CROCC: variants seen among roughly 807,000 people sequenced by gnomAD.
CROCC encodes ciliary rootlet coiled-coil, rootletin.
Under a neutral mutation model 245.2 loss-of-function variants are expected in CROCC, and 180 were observed. The ratio of observed to expected loss-of-function variants is 0.73; its 90% CI spans 0.65 to 0.83. The LOEUF is 0.83. Among genes scored for constraint, CROCC ranks in the 40% least tolerant of loss-of-function variants. The pLI, the probability that CROCC is intolerant of heterozygous loss-of-function variation, is 0.00. For missense variants in CROCC, 2,688 were observed against 2,779.4 expected (o/e 0.97, Z 0.74); for synonymous variants, 1,205 against 1,241.6 (o/e 0.97, Z 0.62).
chr1:16,916,037 G>T (rs574604111), intron 1 of CROCC, among the ~76,000 whole-genome samples: 1 of 152,264 alleles, frequency 6.6e-6, no homozygotes, highest in Non-Finnish European at 1.5e-5. Flanking sequence ...TTAGCTGGGC[G>T]TGGTGGTGCA....
intron 27 of CROCC, among the ~76,000 whole-genome samples, chr1:16,963,146 G>A (rs947974341): frequency 2.7e-5 from 4 of 147,552 alleles, no homozygotes; most frequent in African/African-American, 1.0e-4. Context: ...TCGCACCATT[G>A]CACTCTAGAC....
At position 16,948,354 on chromosome 1, in the gene CROCC, G is replaced by A. The variant is rs1307651691; in HGVS notation, c.2538G>A (p.Arg846=). 9.5e-6 allele frequency: 15 copies of A among 1,578,408 alleles called. No individual in the cohort carries two copies. The highest frequency in any genetic ancestry group is 2.3e-5 in the East Asian group (1 of 44,320). The stretch of plus-strand genomic sequence containing the variant: ...AGCTCTCCCGGCAGCTGAGCGGGCG[G>A]GAGCAGGAGCTGGAGCAGGCCCGGC... ...LAQLSRQLSG[R]EQELEQARRE... The change falls in exon 18 of 37, where the codon CGG becomes CGA. Residue 846 remains arginine (R), a synonymous_variant. Transcript: ENST00000375541.
intron 3 of CROCC, among the ~76,000 whole-genome samples, chr1:16,926,428 C>A (rs2075536269): frequency 6.6e-6 from 1 of 152,270 alleles, no homozygotes; most frequent in Non-Finnish European, 1.5e-5. Context: ...ACCCCCTTGT[C>A]CCCATGGCCA....
chr1:16,963,592 TG>T (rs367936662), intron 27 of CROCC, among the ~76,000 whole-genome samples: 67 of 152,258 alleles, frequency 4.4e-4, no homozygotes, highest in African/African-American at 1.5e-3. Context: ...GGTGTCCCTC[TG>T]CGGCCAAGGC....
rs1553160573 is a variant in CROCC at position 16,964,140 on chromosome 1, T to TA, written c.4406-1583_4406-1582insA. ...TCTTTTCTTTTCTTTTTTCTTTATTTTTTTTTTTTTTTGAGACAGAGTCTC... is the reference window on the plus strand; with the variant it reads ...TCTTTTCTTTTCTTTTTTCTTTATTTATTTTTTTTTTTTGAGACAGAGTCTC... On this transcript the variant is annotated intron_variant, in intron 27 of 36. Transcript: ENST00000375541. Among the ~76,000 whole-genome samples, 558 of 120,058 alleles carry TA rather than the reference T, an allele frequency of 4.6e-3. 2 individuals are homozygous for TA. Among genetic ancestry groups the TA allele is most frequent in the African/African-American group, 0.016 (506 of 32,242 alleles). 78.8% of individuals were successfully genotyped at this position (120,058 alleles called of 152,430 possible).
At chr1:16,949,303 C>G (rs7517093) in intron 19 of CROCC, among the ~76,000 whole-genome samples, 44 of 151,548 alleles carry the variant, frequency 2.9e-4, no homozygotes, top group African/African-American at 6.5e-4. Context: ...CCCAGAATCC[C>G]AGCCCCACTT....
chr1:16,944,315 T>C (rs1369994333), intron 14 of CROCC, 33 bp downstream of exon 14: 49 of 1,493,794 alleles, frequency 3.3e-5, no homozygotes, highest in Non-Finnish European at 4.2e-5. Context: ...GCCAGGACCC[T>C]TCAGATGTGC....
chr1:16,960,889 G>A lies in CROCC; in HGVS notation c.4164G>A (p.Glu1388=). Residue 1388 remains glutamate, a synonymous_variant, in exon 27 of 37, where the codon GAG becomes GAA. Transcript: ENST00000375541. ...AGCTGGACCACGCCCGCGGCCTGGA[G>A]CTGAAGCTGGAGGCGGCGCGGGCCG... ...KQQLDHARGL[E]LKLEAARAEA... The A allele has an allele frequency of 2.0e-6, 3 of 1,511,012 alleles. No homozygotes were observed. The highest frequency in any genetic ancestry group is 2.6e-6 in the Non-Finnish European group (3 of 1,136,070). 93.6% of individuals were successfully genotyped at this position (1,511,012 alleles called of 1,614,324 possible).
chr1:16,940,826 A>T (rs1250834018), intron 13 of CROCC: 1 of 370,230 alleles, frequency 2.7e-6, no homozygotes, highest in Non-Finnish European at 5.4e-6. Context: ...TCCCAGACTC[A>T]AGCGATCCTC....
At position 16,929,780 on chromosome 1, in the gene CROCC, C is replaced by G. The variant is rs1352333847; in HGVS notation, c.352-66C>G. On this transcript the variant is annotated intron_variant, in intron 3 of 36. Transcript: ENST00000375541. ...TGGGTCTGGGCCCAGCCTGCCACGC[C>G]CTACAGAAGCCTGAGCCTGCCTTCC... 48 of 1,457,254 alleles carry G rather than the reference C, an allele frequency of 3.3e-5. No homozygotes were observed. In the Admixed American group the frequency reaches 9.7e-4, roughly 29 times the overall value. 90.3% of individuals were successfully genotyped at this position (1,457,254 alleles called of 1,614,324 possible). A position where few individuals can be genotyped will look rare whatever the true frequency, so the allele number is the denominator to read the frequency against.
intron 3 of CROCC, among the ~76,000 whole-genome samples, chr1:16,925,055 G>C (rs1057309060): frequency 3.9e-5 from 6 of 152,286 alleles, no homozygotes; most frequent in African/African-American, 1.4e-4. Context: ...GGGGGTCCCA[G>C]GGTGTGGGGC....
Position 16,939,148 on chromosome 1 carries a change from A to G in CROCC, c.1608+6A>G. 1.4e-6 allele frequency: 2 copies of G among 1,477,436 alleles called. No individual in the cohort carries two copies. Among genetic ancestry groups the G allele is most frequent in the South Asian group, 2.7e-5 (2 of 73,296 alleles). The allele number at this position is 1,477,436 out of a possible 1,614,324, so 91.5% of individuals were successfully genotyped here. ...AGCGCCAGCTGCAGGTCCAGGTAGG[A>G]AGGGGCTTGAGCGTTCTGGGCGCAG... is the stretch of plus-strand genomic sequence containing the variant. On this transcript the variant is annotated splice_donor_region_variant and intron_variant, in intron 12 of 36. Transcript: ENST00000375541.
rs879064392 is a variant in CROCC at position 16,971,541 on chromosome 1, TGCAGCAGGAGGTGGAGCG to T, written c.5864_5881del (p.Gln1955_Arg1960del). 2 of 1,536,930 alleles carry T rather than the reference TGCAGCAGGAGGTGGAGCG, an allele frequency of 1.3e-6. No individual in the cohort carries two copies. The highest frequency in any genetic ancestry group is 1.2e-5 in the South Asian group (1 of 83,910). Reference sequence around the variant, plus strand: ...GATGCGCAGCAGCAGCAGCTGGAGCTGCAGCAGGAGGTGGAGCGGCTGCGCAGCGCCCAGGCGCAGACT... The same window carrying T: ...GATGCGCAGCAGCAGCAGCTGGAGCTGCTGCGCAGCGCCCAGGCGCAGACT... On this transcript the variant is annotated inframe_deletion, in exon 36 of 37. Coordinates refer to ENST00000375541, the MANE Select transcript of CROCC (RefSeq NM_014675.5).
chr1:16,965,847 C>T lies in CROCC; in HGVS notation c.4530C>T (p.Ala1510=). ...PDLDPEAVRG[A]LREFLQELRS... ...TGGACCCGGAGGCAGTGCGCGGGGC[C>T]CTCCGGGAATTCCTGCAAGAGCTGC... is the stretch of plus-strand genomic sequence containing the variant. The change falls in exon 28 of 37, where the codon GCC becomes GCT. Residue 1510 remains alanine (A), a synonymous_variant. Transcript: ENST00000375541. The T allele has an allele frequency of 6.2e-7, 1 of 1,613,626 alleles. No individual in the cohort carries two copies. Among genetic ancestry groups the T allele is most frequent in the Non-Finnish European group, 8.5e-7 (1 of 1,180,010 alleles).
chr1:16,948,951 G>A (rs763391532), intron 19 of CROCC, 25 bp downstream of exon 19: 2 of 1,608,862 alleles, frequency 1.2e-6, no homozygotes, highest in Non-Finnish European at 1.7e-6. Flanking sequence ...GGACTTGGGG[G>A]GAACACCAGG....
At chr1:16,962,582 C>T (rs984331859) in intron 27 of CROCC, among the ~76,000 whole-genome samples, 1 of 146,964 alleles carries the variant, frequency 6.8e-6, no homozygotes, top group African/African-American at 2.5e-5. Flanking sequence ...GCATGTTGGT[C>T]AGGCTAGTCT....
At chr1:16,964,746 C>T (rs549479444) in intron 27 of CROCC, among the ~76,000 whole-genome samples, 6 of 152,172 alleles carry the variant, frequency 3.9e-5, no homozygotes, top group Non-Finnish European at 2.9e-5. Flanking sequence ...TGCAGCGGTT[C>T]GATTAGGAAC....
At position 16,924,496 on chromosome 1, in the gene CROCC, T is replaced by C. The variant is rs60275838; in HGVS notation, c.351+17T>C. On this transcript the variant is annotated intron_variant, in intron 3 of 36. Transcript: ENST00000375541. Reference sequence around the variant, plus strand: ...AGCGAGAGGGTGGGTGCCGCCCAGGTGGTGGACTAGGCCAGGGTTCCCCTC... The same window carrying C: ...AGCGAGAGGGTGGGTGCCGCCCAGGCGGTGGACTAGGCCAGGGTTCCCCTC... 0.1 allele frequency: 164,220 copies of C among 1,576,490 alleles called. 4 individuals carry two copies. The highest frequency in any genetic ancestry group is 0.11 in the Non-Finnish European group (126,982 of 1,152,120).
At chr1:16,920,439 C>T (rs150990252), upstream of CROCC, among the ~76,000 whole-genome samples, 1,827 of 151,160 alleles carry the variant, frequency 0.012, no homozygotes, top group African/African-American at 0.042. Context: ...GTGATCTGCC[C>T]GCCTCAGCCT....
Sources: allele counts gnomAD v4.1 joint callset (sites outside exome capture counted in the v4.1 genomes callset), GRCh38; gene constraint gnomAD v4.1.1; transcripts MANE v1.5; gene names NCBI Gene and HGNC (gene_info 2026-07-23, HGNC 2026-07-21).